MCF2L2: variants seen among roughly 807,000 people sequenced by gnomAD.
The protein encoded by MCF2L2 is probable guanine nucleotide exchange factor MCF2L2.
Under a neutral mutation model 150.2 loss-of-function variants are expected in MCF2L2, and 102 were observed. The observed-to-expected ratio is 0.68, with a 90% CI of 0.58 to 0.80. The LOEUF is 0.80. Ranked by LOEUF, MCF2L2 falls within the 30% of genes least tolerant of loss-of-function variation. The pLI is 0.00. For synonymous variants in MCF2L2, 465 were observed against 491.3 expected (o/e 0.95, Z 0.71); for missense variants, 1,256 against 1,372.8 (o/e 0.91, Z 1.34).
Position 183,323,291 on chromosome 3 carries a change from G to C in MCF2L2, c.547C>G (p.Arg183Gly), listed in dbSNP as rs143828868. The C allele has an allele frequency of 5.6e-6, 9 of 1,613,666 alleles. No individual in the cohort carries two copies. The highest frequency in any genetic ancestry group is 7.6e-6 in the Non-Finnish European group (9 of 1,179,812). ...HGYIDKSQLT[R>G]ELGGTLEYRH... Reference sequence around the variant, plus strand: ...TATTCCAAAGTCCCCCCTAATTCCCGGGTCAGTTGGCTTTTGTCGATGTAG... The same window carrying C: ...TATTCCAAAGTCCCCCCTAATTCCCCGGTCAGTTGGCTTTTGTCGATGTAG... Residue 183 changes from arginine to glycine, a missense_variant, in exon 6 of 30, where the codon CGG becomes GGG. By Grantham distance (125) the Arg-to-Gly change is moderately radical (BLOSUM62 -2). Transcript: ENST00000328913.
intron 7 of MCF2L2, among the ~76,000 whole-genome samples, chr3:183,316,706 T>C (rs1382677886): frequency 6.6e-6 from 1 of 151,268 alleles, no homozygotes; most frequent in Non-Finnish European, 1.5e-5. Context: ...CTTTTGTTGT[T>C]GTTGTTTTTG....
Position 183,197,100 on chromosome 3 carries a change from G to T in MCF2L2, c.2885-1845C>A, listed in dbSNP as rs990949013. Among the ~76,000 whole-genome samples, 1 of 152,024 alleles carries T rather than the reference G, an allele frequency of 6.6e-6. No individual in the cohort carries two copies. The highest frequency in any genetic ancestry group is 1.5e-5 in the Non-Finnish European group (1 of 68,012). On this transcript the variant is annotated intron_variant, in intron 25 of 29. Coordinates refer to ENST00000328913, the MANE Select transcript of MCF2L2 (RefSeq NM_015078.4). This position sits in a 1 kb window ranked among gnomAD's most constrained non-coding sequence, Gnocchi z 4.5. ...ATAATCCTAATCAAAATCTCAATAA[G>T]GTTTTTTGAGAAGTTGGCAAGCAGA...
intron 1 of MCF2L2, among the ~76,000 whole-genome samples, chr3:183,414,550 A>G (rs1003203837): frequency 6.6e-6 from 1 of 152,144 alleles, no homozygotes; most frequent in African/African-American, 2.4e-5. Context: ...TTTCTACTCT[A>G]CATTTCATTA....
At chr3:183,424,568 G>C (rs775039877) in intron 1 of MCF2L2, among the ~76,000 whole-genome samples, 1 of 152,114 alleles carries the variant, frequency 6.6e-6, no homozygotes, top group African/African-American at 2.4e-5. Context: ...AAGACTCTTC[G>C]TAAGTAATGA....
intron 21 of MCF2L2, among the ~76,000 whole-genome samples, chr3:183,219,264 A>G (rs1723055921): frequency 6.6e-6 from 1 of 152,206 alleles, no homozygotes; most frequent in African/African-American, 2.4e-5. Flanking sequence ...ATATCTATTT[A>G]CTTCCAGTCT....
intron 15 of MCF2L2, among the ~76,000 whole-genome samples, chr3:183,268,549 GTGCAGTTAGGCACA>G (rs1322152959): frequency 6.6e-6 from 1 of 152,152 alleles, no homozygotes; most frequent in African/African-American, 2.4e-5. Flanking sequence ...GATGAAAGAA[GTGCAGTTAGGCACA>G]TGTAAAGAGA....
At chr3:183,242,855 A>AG (rs1724090556) in intron 15 of MCF2L2, among the ~76,000 whole-genome samples, 1 of 152,214 alleles carries the variant, frequency 6.6e-6, no homozygotes, top group Non-Finnish European at 1.5e-5. Context: ...AGCAACCACA[A>AG]GGGGGGCTGT....
chr3:183,383,748 C>T (rs2108592173), intron 2 of MCF2L2, among the ~76,000 whole-genome samples: 1 of 152,242 alleles, frequency 6.6e-6, no homozygotes, highest in Non-Finnish European at 1.5e-5. Context: ...TTGATTCCTC[C>T]TTTACAGTTC....
At chr3:183,373,932 G>T (rs1328984919) in intron 3 of MCF2L2, 2 of 151,462 alleles carry the variant, frequency 1.3e-5, no homozygotes, top group East Asian at 3.9e-4. Context: ...AAAACCAAGC[G>T]TCTTCCGTAG....
chr3:183,191,782 A>G (rs1448841651), intron 27 of MCF2L2, among the ~76,000 whole-genome samples: 2 of 152,002 alleles, frequency 1.3e-5, no homozygotes, highest in Non-Finnish European at 2.9e-5. Flanking sequence ...TCTTTGGCAT[A>G]TCTGAATTTC....
intron 15 of MCF2L2, among the ~76,000 whole-genome samples, chr3:183,239,565 C>T (rs1723913038): frequency 6.6e-6 from 1 of 151,932 alleles, no homozygotes; most frequent in South Asian, 2.1e-4. Context: ...CTTTGAACTA[C>T]TGCCCCTGTC....
intron 7 of MCF2L2, among the ~76,000 whole-genome samples, chr3:183,312,575 TG>T: frequency 6.6e-6 from 1 of 152,210 alleles, no homozygotes; most frequent in East Asian, 1.9e-4. Context: ...GGTATGCCCT[TG>T]AGCATTAGAA....
At chr3:183,273,636 T>C (rs940563358) in intron 15 of MCF2L2, among the ~76,000 whole-genome samples, 7 of 152,240 alleles carry the variant, frequency 4.6e-5, no homozygotes, top group Admixed American at 1.3e-4. Flanking sequence ...TATATGATGA[T>C]AGTCCCATGA....
At chr3:183,398,064 A>T (rs995863810) in intron 1 of MCF2L2, among the ~76,000 whole-genome samples, 1 of 152,200 alleles carries the variant, frequency 6.6e-6, no homozygotes, top group African/African-American at 2.4e-5. Flanking sequence ...GCCTAAGTTC[A>T]ATTGCAATGA....
chr3:183,398,314 C>T (rs1714570090), intron 1 of MCF2L2, among the ~76,000 whole-genome samples: 1 of 152,140 alleles, frequency 6.6e-6, no homozygotes, highest in Non-Finnish European at 1.5e-5. Context: ...TCTTCCCTCT[C>T]CCAGGCTGCA....
intron 1 of MCF2L2, among the ~76,000 whole-genome samples, chr3:183,424,739 T>C (rs1418256265): frequency 6.6e-6 from 1 of 152,166 alleles, no homozygotes; most frequent in Non-Finnish European, 1.5e-5. Flanking sequence ...AATGATACCA[T>C]GAAGGAGATG....
At chr3:183,311,333 C>A (rs181196789) in intron 8 of MCF2L2, among the ~76,000 whole-genome samples, 61 of 152,198 alleles carry the variant, frequency 4.0e-4, no homozygotes, top group Non-Finnish European at 6.5e-4. Context: ...TGAGACTACA[C>A]GAATATAAAG....
chr3:183,389,476 C>A (rs1195614473), intron 2 of MCF2L2, among the ~76,000 whole-genome samples: 2 of 152,152 alleles, frequency 1.3e-5, no homozygotes, highest in Admixed American at 1.3e-4. Context: ...GAAATGTGCT[C>A]CTTTGGGAAA....
chr3:183,276,138 G>A (rs954772076), intron 15 of MCF2L2, among the ~76,000 whole-genome samples: 3 of 152,158 alleles, frequency 2.0e-5, no homozygotes, highest in Admixed American at 2.0e-4. Context: ...CCAGGAACAT[G>A]GCAATCAGTA....
Sources: gnomAD v4.1 joint callset for allele counts (sites outside exome capture counted in the v4.1 genomes callset) on GRCh38, gnomAD v4.1.1 for gene constraint, Gnocchi (gnomAD v3.1) non-coding constraint, MANE v1.5 for transcripts, NCBI Gene and HGNC (gene_info 2026-07-23, HGNC 2026-07-21) for gene names.